The following PTPRN2 variants were observed in gnomAD, a reference collection of about 807,000 sequenced individuals.
PTPRN2 encodes the protein receptor-type tyrosine-protein phosphatase N2.
PTPRN2 carries 74 observed loss-of-function variants against 118.8 expected under a neutral mutation model. That is an observed-to-expected ratio of 0.62 (90% CI 0.52 to 0.76). The LOEUF is 0.76. Among genes scored for constraint, PTPRN2 ranks in the 30% least tolerant of loss-of-function variants. The pLI is 0.00. For synonymous variants in PTPRN2, 641 were observed against 608.0 expected, an observed-to-expected ratio of 1.05 and a Z score of -0.80; for missense variants, 1,481 against 1,394.4, an observed-to-expected ratio of 1.06 and a Z score of -0.99.
intron 11 of PTPRN2, among the ~76,000 whole-genome samples, chr7:157,910,262 C>CG (rs1188856165): frequency 6.9e-6 from 1 of 144,770 alleles, no homozygotes; most frequent in Non-Finnish European, 1.5e-5. Context: ...ACCGTGGGAA[C>CG]GGGTGCAGGA....
chr7:158,505,442 C>A (rs1228445233), intron 1 of PTPRN2, among the ~76,000 whole-genome samples: 1 of 152,178 alleles, frequency 6.6e-6, no homozygotes, highest in Non-Finnish European at 1.5e-5. Flanking sequence ...AAGGTGACAT[C>A]TAATCATGCA....
At chr7:158,272,236 G>A (rs113813906) in intron 3 of PTPRN2, among the ~76,000 whole-genome samples, 4,498 of 152,292 alleles carry the variant, frequency 0.03, 89 homozygotes, top group Non-Finnish European at 0.047. Flanking sequence ...CCCCCGGGAC[G>A]TCTTGTCTTC....
chr7:158,034,525 C>T (rs887978031), intron 11 of PTPRN2, among the ~76,000 whole-genome samples: 1 of 151,888 alleles, frequency 6.6e-6, no homozygotes, highest in African/African-American at 2.4e-5. Context: ...ACGGGACTTG[C>T]TCCTCCTTGC....
chr7:158,124,981 C>T (rs1298908237), intron 9 of PTPRN2, among the ~76,000 whole-genome samples: 1 of 152,226 alleles, frequency 6.6e-6, no homozygotes, highest in East Asian at 1.9e-4. Context: ...GCTCAGATGG[C>T]CTGGACCAGG....
intron 10 of PTPRN2, among the ~76,000 whole-genome samples, chr7:158,096,962 A>G (rs1034157412): frequency 1.3e-5 from 2 of 152,202 alleles, no homozygotes; most frequent in Non-Finnish European, 2.9e-5. Context: ...GTTAATCTGC[A>G]CTGCCCTGAT....
chr7:158,085,465 T>A (rs1339827530), intron 10 of PTPRN2, among the ~76,000 whole-genome samples: 1 of 27,444 alleles, frequency 3.6e-5, no homozygotes, highest in African/African-American at 1.4e-4. Flanking sequence ...GCCCATACAC[T>A]CCGACACCCA....
intron 11 of PTPRN2, among the ~76,000 whole-genome samples, chr7:157,961,221 C>T (rs1358516724): frequency 6.6e-6 from 1 of 152,004 alleles, no homozygotes; most frequent in Non-Finnish European, 1.5e-5. Context: ...CACAATGGCA[C>T]ACAATATAGA....
At chr7:157,806,454 G>C (rs555196621) in intron 12 of PTPRN2, among the ~76,000 whole-genome samples, 19 of 152,302 alleles carry the variant, frequency 1.2e-4, no homozygotes, top group African/African-American at 4.1e-4. Flanking sequence ...ATGTATGTGT[G>C]CATATGTGTC....
At chr7:158,288,714 C>T (rs961301152) in intron 3 of PTPRN2, among the ~76,000 whole-genome samples, 2 of 152,176 alleles carry the variant, frequency 1.3e-5, no homozygotes, top group East Asian at 1.9e-4. Context: ...GTGATTTGTA[C>T]ACCACCATTA....
intron 12 of PTPRN2, among the ~76,000 whole-genome samples, chr7:157,898,137 G>A (rs1797239867): frequency 6.6e-6 from 1 of 151,852 alleles, no homozygotes; most frequent in African/African-American, 2.4e-5. Context: ...GATTTTCAGC[G>A]ATATTATGGA....
At chr7:157,957,849 T>A (rs1310676313) in intron 11 of PTPRN2, among the ~76,000 whole-genome samples, 1 of 152,208 alleles carries the variant, frequency 6.6e-6, no homozygotes, top group East Asian at 1.9e-4. Context: ...CCTCAAACTT[T>A]TCCAAAATAT....
At chr7:158,234,005 A>G (rs1829346288) in intron 3 of PTPRN2, among the ~76,000 whole-genome samples, 1 of 152,240 alleles carries the variant, frequency 6.6e-6, no homozygotes, top group Non-Finnish European at 1.5e-5. Flanking sequence ...TAAGACCCGA[A>G]ACTATGAAAC....
At chr7:158,225,589 A>C (rs960600375) in intron 3 of PTPRN2, among the ~76,000 whole-genome samples, 1 of 152,220 alleles carries the variant, frequency 6.6e-6, no homozygotes, top group Non-Finnish European at 1.5e-5. Context: ...TTTGCAGTCT[A>C]GTGTGGAATG....
chr7:158,530,393 T>G (rs1026745733), intron 1 of PTPRN2, among the ~76,000 whole-genome samples: 2 of 152,134 alleles, frequency 1.3e-5, no homozygotes, highest in Admixed American at 6.5e-5. Flanking sequence ...TTGCGGAGGC[T>G]CTGCAGGAGC....
At position 158,260,234 on chromosome 7, in the gene PTPRN2, T is replaced by C. The variant is rs111371537; in HGVS notation, c.278-54961A>G. Among the ~76,000 whole-genome samples, 1,207 of 152,314 alleles carry C rather than the reference T, an allele frequency of 7.9e-3. 19 individuals carry two copies. The highest frequency in any genetic ancestry group is 0.027 in the African/African-American group (1,126 of 41,560). ...ACGACAAAGCAAAGCCAATTAGCAA[T>C]GCTGAGGACTCTCAGGCCAGGATGC... On this transcript the variant is annotated intron_variant, in intron 3 of 22. Transcript: ENST00000389418.
chr7:157,888,958 G>T (rs79222091), intron 12 of PTPRN2, among the ~76,000 whole-genome samples: 1 of 152,160 alleles, frequency 6.6e-6, no homozygotes, highest in Non-Finnish European at 1.5e-5. Flanking sequence ...TTACCCAGAC[G>T]TAACCACCAG....
At chr7:158,154,348 T>C (rs1821502415) in intron 6 of PTPRN2, among the ~76,000 whole-genome samples, 2 of 152,152 alleles carry the variant, frequency 1.3e-5, no homozygotes, top group Admixed American at 1.3e-4. Flanking sequence ...CTCGAATGGG[T>C]TGCTGAGAAA....
intron 19 of PTPRN2, chr7:157,574,450 C>T (rs750395008): frequency 1.1e-5 from 6 of 525,090 alleles, no homozygotes; most frequent in South Asian, 2.8e-5. Context: ...AGGGTTTGTC[C>T]GTTTTACCGT....
intron 21 of PTPRN2, among the ~76,000 whole-genome samples, chr7:157,552,860 G>A (rs899255714): frequency 1.3e-5 from 2 of 152,188 alleles, no homozygotes; most frequent in Non-Finnish European, 2.9e-5. Flanking sequence ...ACCTCTGGAG[G>A]GGCTTTCCTC....
Sources: gnomAD v4.1 joint callset for allele counts (sites outside exome capture counted in the v4.1 genomes callset) on GRCh38, gnomAD v4.1.1 for gene constraint, MANE v1.5 for transcripts, NCBI Gene and HGNC (gene_info 2026-07-23, HGNC 2026-07-21) for gene names.